Variants in KCNIP4 observed in about 807,000 individuals in gnomAD.
The protein encoded by KCNIP4 is Kv channel-interacting protein 4.
Under a neutral mutation model 34.0 loss-of-function variants are expected in KCNIP4, and 12 were observed. The observed-to-expected ratio is 0.35, with a 90% confidence interval of 0.23 to 0.57. The LOEUF (loss-of-function observed/expected upper bound fraction) is 0.57. Among genes scored for constraint, KCNIP4 ranks in the 20% least tolerant of loss-of-function variants. The pLI is 0.83. For synonymous variants in KCNIP4, 124 were observed against 102.2 expected (o/e 1.21, Z -1.29); for missense variants, 238 against 311.7 (o/e 0.76, Z 1.78).
At chr4:21,871,773 C>G (rs1288375119) in intron 1 of KCNIP4, among the ~76,000 whole-genome samples, 1 of 127,408 alleles carries the variant, frequency 7.8e-6, no homozygotes, top group Non-Finnish European at 1.7e-5. Flanking sequence ...CACCTCCCCC[C>G]ACCCACCCCC....
intron 1 of KCNIP4, among the ~76,000 whole-genome samples, chr4:20,969,946 GTT>G (rs201808424): frequency 6.9e-6 from 1 of 144,838 alleles, no homozygotes. Context: ...ATTATCAGCA[GTT>G]TTTTTTTTTT....
chr4:21,397,178 A>G (rs1490339206), intron 1 of KCNIP4, among the ~76,000 whole-genome samples: 1 of 152,230 alleles, frequency 6.6e-6, no homozygotes, highest in Non-Finnish European at 1.5e-5. Context: ...ATCTGAAGCA[A>G]AAGCCCTTAT....
At chr4:21,556,922 G>GAAAAAAAAAAAAAAAAAAAAAAAACAA (rs1253971751) in intron 1 of KCNIP4, among the ~76,000 whole-genome samples, 1 of 70,846 alleles carries the variant, frequency 1.4e-5, no homozygotes, top group Non-Finnish European at 2.7e-5. Context: ...CTCCATCTCA[G>GAAAAAAAAAAAAAAAAAAAAAAAACAA]AAAAAAAAAA....
At chr4:21,214,915 T>C (rs1757453983) in intron 1 of KCNIP4, among the ~76,000 whole-genome samples, 1 of 152,178 alleles carries the variant, frequency 6.6e-6, no homozygotes, top group African/African-American at 2.4e-5. Context: ...TAGAGGTTCA[T>C]AGTATTTATT....
chr4:20,919,074 G>T (rs1729127249), intron 1 of KCNIP4, among the ~76,000 whole-genome samples: 2 of 152,162 alleles, frequency 1.3e-5, no homozygotes, highest in Admixed American at 1.3e-4. Context: ...GAGTGATTAG[G>T]ATTATTAGCA....
At chr4:21,343,054 G>T (rs1431946844) in intron 1 of KCNIP4, among the ~76,000 whole-genome samples, 3 of 151,974 alleles carry the variant, frequency 2.0e-5, no homozygotes, top group Non-Finnish European at 4.4e-5. Context: ...CAGCCTGTTT[G>T]GAACCAGCAA....
chr4:20,729,949 T>TTAA lies in KCNIP4; in HGVS notation c.*130_*132dup. 1 of 1,095,134 alleles carries TTAA rather than the reference T, an allele frequency of 9.1e-7. No individual in the cohort carries two copies. Among genetic ancestry groups the TTAA allele is most frequent in the African/African-American group, 1.6e-5 (1 of 62,176 alleles). 67.8% of individuals were successfully genotyped at this position (1,095,134 alleles called of 1,614,324 possible). On this transcript the variant is annotated 3_prime_UTR_variant, in exon 9 of 9. Transcript: ENST00000382152. The stretch of plus-strand genomic sequence containing the variant: ...CAAATCTTTTGGGGATTGCTTTATA[T>TTAA]TAAAACAAAGCTTGTTTGCATAATA...
chr4:21,722,484 A>G (rs559869266), intron 1 of KCNIP4, among the ~76,000 whole-genome samples: 55 of 152,318 alleles, frequency 3.6e-4, no homozygotes, highest in Non-Finnish European at 5.6e-4. Flanking sequence ...CAGCAGAGAC[A>G]TGAATGAGCA....
At chr4:21,358,396 T>G (rs557965218) in intron 1 of KCNIP4, among the ~76,000 whole-genome samples, 25 of 152,266 alleles carry the variant, frequency 1.6e-4, no homozygotes, top group Admixed American at 1.5e-3. Flanking sequence ...ACATGCTTAG[T>G]TGTGCATAAT....
chr4:21,798,019 T>C (rs927687485), intron 1 of KCNIP4, among the ~76,000 whole-genome samples: 19 of 152,032 alleles, frequency 1.2e-4, no homozygotes, highest in Admixed American at 2.6e-4. Flanking sequence ...TATTTTCAGA[T>C]TGCCCCCCAC....
chr4:21,117,410 A>G (rs146036744), intron 1 of KCNIP4, among the ~76,000 whole-genome samples: 3,982 of 151,186 alleles, frequency 0.026, 107 homozygotes, highest in Non-Finnish European at 0.039. Context: ...TGAATGGACA[A>G]TTGAATGCAT....
chr4:21,576,266 T>C lies in KCNIP4; in HGVS notation c.61+372305A>G, dbSNP rs181453642. ...TCTAAGAAATCAACTGATTTAAGAC[T>C]GCTTCACATAAAGCATCTTTTATGG... is the stretch of plus-strand genomic sequence containing the variant. On this transcript the variant is annotated intron_variant, in intron 1 of 8. Transcript: ENST00000382152. Among the ~76,000 whole-genome samples, 421 of 152,280 alleles carry C rather than the reference T, an allele frequency of 2.8e-3. 4 individuals are homozygous for C. The highest frequency in any genetic ancestry group is 6.8e-3 in the Admixed American group (104 of 15,300).
chr4:21,067,672 C>T (rs1744528675), intron 1 of KCNIP4, among the ~76,000 whole-genome samples: 1 of 152,090 alleles, frequency 6.6e-6, no homozygotes, highest in South Asian at 2.1e-4. Flanking sequence ...TCACTGCAGG[C>T]CTTAGGTGAG....
chr4:20,784,576 C>T (rs1016808364), intron 3 of KCNIP4, among the ~76,000 whole-genome samples: 4 of 152,196 alleles, frequency 2.6e-5, no homozygotes, highest in African/African-American at 9.6e-5. Flanking sequence ...TCCTCTTTCC[C>T]TTTCCTTCTT....
intron 1 of KCNIP4, among the ~76,000 whole-genome samples, chr4:21,326,604 T>A (rs769423222): frequency 5.9e-5 from 9 of 151,780 alleles, no homozygotes; most frequent in Non-Finnish European, 1.0e-4. Context: ...GTCTACTCTG[T>A]CTTTTGATTG....
intron 1 of KCNIP4, among the ~76,000 whole-genome samples, chr4:21,454,041 A>G (rs1460085009): frequency 6.6e-6 from 1 of 151,942 alleles, no homozygotes; most frequent in African/African-American, 2.4e-5. Context: ...ACACTCAAAA[A>G]CATTAACTAC....
chr4:20,964,329 A>C (rs562422629), intron 1 of KCNIP4, among the ~76,000 whole-genome samples: 2 of 152,348 alleles, frequency 1.3e-5, no homozygotes, highest in African/African-American at 4.8e-5. Context: ...ATCCAATGAC[A>C]GGGGTGGAAA....
intron 1 of KCNIP4, among the ~76,000 whole-genome samples, chr4:21,007,359 T>C (rs555241682): frequency 7.9e-5 from 12 of 152,306 alleles, no homozygotes; most frequent in Admixed American, 4.6e-4. Context: ...ACTGGCAGTG[T>C]CCATGTTCCA....
intron 1 of KCNIP4, among the ~76,000 whole-genome samples, chr4:21,758,448 G>A (rs1717814368): frequency 6.6e-6 from 1 of 152,234 alleles, no homozygotes; most frequent in Non-Finnish European, 1.5e-5. Flanking sequence ...CCTGCACCCT[G>A]TGCAGACTTT....
Sources: allele counts gnomAD v4.1 joint callset (sites outside exome capture counted in the v4.1 genomes callset), GRCh38; gene constraint gnomAD v4.1.1; transcripts MANE v1.5; gene names NCBI Gene and HGNC (gene_info 2026-07-23, HGNC 2026-07-21).